ATAD2B: variants seen among roughly 807,000 people sequenced by gnomAD.
ATAD2B encodes ATPase family AAA domain containing 2B.
ATAD2B carries 40 observed loss-of-function variants against 167.6 expected under a neutral mutation model. The ratio of observed to expected loss-of-function variants is 0.24; its 90% CI spans 0.19 to 0.31. The LOEUF (loss-of-function observed/expected upper bound fraction) is 0.31, where lower values mean the gene tolerates loss of function less well. Ranked by LOEUF, ATAD2B falls within the 10% of genes least tolerant of loss-of-function variation. The pLI is 1.00. For missense variants in ATAD2B, 1,242 were observed against 1,757.2 expected (o/e 0.71, Z 5.24); for synonymous variants, 579 against 596.5 (o/e 0.97, Z 0.43).
intron 10 of ATAD2B, among the ~76,000 whole-genome samples, chr2:23,865,752 T>C (rs1414404671): frequency 6.6e-6 from 1 of 152,106 alleles, no homozygotes; most frequent in East Asian, 1.9e-4. Context: ...AGAGAGAAAT[T>C]TACTTTTTTT....
chr2:23,774,973 C>T (rs1300357226), intron 22 of ATAD2B, among the ~76,000 whole-genome samples: 1 of 152,068 alleles, frequency 6.6e-6, no homozygotes, highest in Non-Finnish European at 1.5e-5. Flanking sequence ...TTATTAAGAA[C>T]ATGCTTTACA....
the ATAD2B span, among the ~76,000 whole-genome samples, chr2:23,695,276 C>A: frequency 2.3e-3 from 346 of 152,290 alleles, 3 homozygotes; most frequent in African/African-American, 8.0e-3. This position sits in a 1 kb window ranked among gnomAD's most constrained non-coding sequence, Gnocchi z 7.6. Context: ...CTCATTTTAA[C>A]CCCTCGCCCC....
the ATAD2B span, among the ~76,000 whole-genome samples, chr2:23,681,537 C>A: frequency 5.6e-4 from 85 of 152,304 alleles, no homozygotes; most frequent in Non-Finnish European, 7.6e-4. This position sits in a 1 kb window ranked among gnomAD's most constrained non-coding sequence, Gnocchi z 4.2. Flanking sequence ...GTTGTGTTTT[C>A]CAGGCCCCTA....
At position 23,819,766 on chromosome 2, in the gene ATAD2B, G is replaced by T. The variant is rs1256601205; in HGVS notation, c.2248C>A (p.Pro750Thr). ...KQSSSAAIHKPYLHFTMSPYH... is the reference protein window; with the variant it reads ...KQSSSAAIHKTYLHFTMSPYH... Reference sequence around the variant, plus strand: ...ACTCACATTGTAAAATGAAGGTAGGGTTTATGTATAGCAGCAGATGATGAC... The same window carrying T: ...ACTCACATTGTAAAATGAAGGTAGGTTTTATGTATAGCAGCAGATGATGAC... Residue 750 changes from proline to threonine, a missense_variant, in exon 17 of 28, where the codon CCC (proline) becomes ACC (threonine). Pro to Thr is a conservative substitution (Grantham distance 38). Transcript: ENST00000238789. 2.5e-6 allele frequency: 4 copies of T among 1,607,972 alleles called. No individual in the cohort carries two copies. The highest frequency in any genetic ancestry group is 3.4e-6 in the Non-Finnish European group (4 of 1,176,670).
At chr2:23,790,871 A>G (rs1164431263) in intron 19 of ATAD2B, among the ~76,000 whole-genome samples, 1 of 152,200 alleles carries the variant, frequency 6.6e-6, no homozygotes, top group East Asian at 1.9e-4. Flanking sequence ...AATGTTCAGT[A>G]AATTTTTACA....
chr2:23,924,092 A>T (rs1197427060), intron 1 of ATAD2B, among the ~76,000 whole-genome samples: 4 of 119,498 alleles, frequency 3.3e-5, no homozygotes, highest in African/African-American at 1.1e-4. Flanking sequence ...CTGAGGCAGG[A>T]GAATGGCGTG....
rs199803089 is a variant in ATAD2B, at chr2:23,926,700, C to G, written c.71G>C (p.Gly24Ala). 1.9e-4 allele frequency: 294 copies of G among 1,550,548 alleles called. 2 individuals carry two copies. The African/African-American group carries it at 3.8e-3, about 20-fold the overall frequency. The change falls in exon 1 of 28, where the codon GGG becomes GCG. Residue 24 changes from glycine (G) to alanine (A), a missense_variant. By Grantham distance (60) the Gly-to-Ala change is moderately conservative. Coordinates refer to ENST00000238789, the MANE Select transcript of ATAD2B (RefSeq NM_017552.4). ...SKSPGPGPGPGAGAEPGATGG... is the reference protein window; with the variant it reads ...SKSPGPGPGPAAGAEPGATGG... ...GGTCGCCCCAGGCTCTGCTCCGGCC[C>G]CAGGCCCAGGCCCGGGACCAGGAGA...
chr2:23,688,367 C>T, the ATAD2B span, among the ~76,000 whole-genome samples: 1 of 152,214 alleles, frequency 6.6e-6, no homozygotes, highest in East Asian at 1.9e-4. Flanking sequence ...CCATGGATTC[C>T]TCTCATTGCT....
At chr2:23,901,058 G>C (rs556362228) in intron 1 of ATAD2B, 6 of 152,938 alleles carry the variant, frequency 3.9e-5, no homozygotes, top group African/African-American at 1.4e-4. Context: ...TGAATTCACC[G>C]ACTGGCTCAA....
chr2:23,922,377 GCAAAA>G (rs779281382), intron 1 of ATAD2B, among the ~76,000 whole-genome samples: 6 of 151,264 alleles, frequency 4.0e-5, no homozygotes, highest in Non-Finnish European at 8.8e-5. Flanking sequence ...AAAGCTTGGA[GCAAAA>G]CAAAAGCCAC....
At chr2:23,814,441 G>GTACTTAACTATGGAAGTACTTAA in intron 17 of ATAD2B, among the ~76,000 whole-genome samples, 1 of 152,138 alleles carries the variant, frequency 6.6e-6, no homozygotes, top group Non-Finnish European at 1.5e-5. Flanking sequence ...AGTACACAGT[G>GTACTTAACTATGGAAGTACTTAA]CTATGGAAGA....
At chr2:23,733,754 T>G in the ATAD2B span, among the ~76,000 whole-genome samples, 1 of 152,150 alleles carries the variant, frequency 6.6e-6, no homozygotes, top group Non-Finnish European at 1.5e-5. Flanking sequence ...TCCTACTGAT[T>G]CTACCTCTAA....
rs1343526681 is a variant in ATAD2B, at chr2:23,749,994, G to A, written c.*2052C>T. ...CAAAAAACCCTTTTACCAGAAACTT[G>A]CTACAAAAAATCTGCTACATCTTAT... On this transcript the variant is annotated 3_prime_UTR_variant, in exon 28 of 28. Transcript: ENST00000238789. 4 of 151,882 alleles carry A rather than the reference G, an allele frequency of 2.6e-5. No homozygotes were observed. The South Asian group carries it at 6.2e-4, about 24-fold the overall frequency. The allele number at this position is 151,882 out of a possible 1,614,324, so 9.4% of individuals were successfully genotyped here.
chr2:23,793,034 T>C (rs575708762), intron 19 of ATAD2B, among the ~76,000 whole-genome samples: 20 of 149,260 alleles, frequency 1.3e-4, no homozygotes, highest in Admixed American at 5.3e-4. Context: ...AATCACGTAA[T>C]TGTTTTATTA....
intron 19 of ATAD2B, among the ~76,000 whole-genome samples, chr2:23,791,029 C>T (rs954631507): frequency 1.1e-4 from 16 of 152,182 alleles, no homozygotes; most frequent in African/African-American, 3.6e-4. Context: ...AGAATTGCCT[C>T]TTCTAGACAT....
chr2:23,823,362 G>T lies in ATAD2B; in HGVS notation c.2027C>A (p.Ser676Tyr), dbSNP rs780832262. 1 of 1,613,898 alleles carries T rather than the reference G, an allele frequency of 6.2e-7. No individual in the cohort carries two copies. The highest frequency in any genetic ancestry group is 8.5e-7 in the Non-Finnish European group (1 of 1,179,846). The change falls in exon 16 of 28, where the codon TCC (serine) becomes TAC (tyrosine). Residue 676 changes from serine (S) to tyrosine (Y), a missense_variant. Transcript: ENST00000238789. ...TTCCAGCAGTGGTCTTATGATGGGG[G>T]ATAGTGCATGCCCTGAAGACATCAC... is the stretch of plus-strand genomic sequence containing the variant. ...RAVMSSGHAL[S>Y]PIIRPLLERS...
intron 12 of ATAD2B, among the ~76,000 whole-genome samples, chr2:23,862,401 G>GTTTTTTTTTTTTTTTTTTT (rs750865073): frequency 1.0e-5 from 1 of 99,408 alleles, no homozygotes; most frequent in African/African-American, 4.0e-5. Flanking sequence ...ATTTGGACTG[G>GTTTTTTTTTTTTTTTTTTT]TTTTTTTTTT....
chr2:23,814,198 C>A (rs1572874178), intron 17 of ATAD2B, among the ~76,000 whole-genome samples: 2 of 152,108 alleles, frequency 1.3e-5, no homozygotes, highest in East Asian at 3.8e-4. Context: ...TCAAAAACCT[C>A]CATGGGCAAA....
At chr2:23,748,482 C>T (rs1238831719), downstream of ATAD2B, among the ~76,000 whole-genome samples, 1 of 152,138 alleles carries the variant, frequency 6.6e-6, no homozygotes. Context: ...GCTTTCTCAA[C>T]ATAAAAAGCT....
Sources: allele counts gnomAD v4.1 joint callset (sites outside exome capture counted in the v4.1 genomes callset), GRCh38; gene constraint gnomAD v4.1.1; non-coding constraint Gnocchi (gnomAD v3.1); transcripts MANE v1.5; gene names NCBI Gene and HGNC (gene_info 2026-07-23, HGNC 2026-07-21).